The following SPAG16 variants were observed in gnomAD, a reference collection of about 807,000 sequenced individuals.
The protein encoded by SPAG16 is sperm associated antigen 16, also known as sperm-associated antigen 16 protein.
Under a neutral mutation model 80.4 loss-of-function variants are expected in SPAG16, and 86 were observed. The ratio of observed to expected loss-of-function variants is 1.07; its 90% CI spans 0.90 to 1.28. SPAG16 has a LOEUF of 1.28. SPAG16 is among the 50% of genes most tolerant of loss of function. The pLI is 0.00. For synonymous variants in SPAG16, 294 were observed against 265.9 expected, an observed-to-expected ratio of 1.11 and a Z score of -1.03; for missense variants, 870 against 765.3, an observed-to-expected ratio of 1.14 and a Z score of -1.61.
intron 13 of SPAG16, among the ~76,000 whole-genome samples, chr2:214,032,146 A>G (rs2048447208): frequency 6.6e-6 from 1 of 152,186 alleles, no homozygotes; most frequent in Admixed American, 6.5e-5. Context: ...AATGAACTTC[A>G]AAGTATTTGT....
At chr2:213,627,178 T>C (rs1166814770) in intron 10 of SPAG16, among the ~76,000 whole-genome samples, 1 of 152,010 alleles carries the variant, frequency 6.6e-6, no homozygotes, top group Non-Finnish European at 1.5e-5. Context: ...CAAGATAGGA[T>C]AGAAGCGGGA....
chr2:214,184,939 AT>A lies in SPAG16; in HGVS notation c.1720+35683del, dbSNP rs1008515587. On this transcript the variant is annotated intron_variant, in intron 15 of 15. Coordinates refer to ENST00000331683, the MANE Select transcript of SPAG16 (RefSeq NM_024532.5). ...AGAAATGAAAATTTTGTCTTTAAAA[AT>A]TTTTTTTTTGCTTTTGCATTTAGAA... Among the ~76,000 whole-genome samples, 44 of 150,360 alleles carry A rather than the reference AT, an allele frequency of 2.9e-4. No individual in the cohort carries two copies. In the East Asian group the frequency reaches 6.2e-3, roughly 21 times the overall value.
chr2:214,208,202 T>A (rs1269912458), intron 15 of SPAG16, among the ~76,000 whole-genome samples: 1 of 152,200 alleles, frequency 6.6e-6, no homozygotes, highest in Admixed American at 6.5e-5. Context: ...TGTTGTCTTT[T>A]ATGATAACAT....
chr2:213,750,676 A>G (rs556849019), intron 10 of SPAG16, among the ~76,000 whole-genome samples: 4 of 152,160 alleles, frequency 2.6e-5, no homozygotes, highest in African/African-American at 9.7e-5. Flanking sequence ...GCTGTTTCCT[A>G]GGACCACTTG....
At chr2:214,043,038 C>CA (rs1359421243) in intron 13 of SPAG16, among the ~76,000 whole-genome samples, 3 of 151,746 alleles carry the variant, frequency 2.0e-5, no homozygotes, top group Non-Finnish European at 4.4e-5. Context: ...TAAATAATGT[C>CA]AAAAAAACTC....
chr2:213,771,363 A>G (rs2162501), intron 10 of SPAG16, among the ~76,000 whole-genome samples: 87,970 of 151,860 alleles, frequency 0.58, 25,642 homozygotes, highest in Middle Eastern at 0.65. Context: ...ACATTTATCA[A>G]ATGGTTAGAT....
At chr2:214,179,317 A>T (rs926796213) in intron 15 of SPAG16, among the ~76,000 whole-genome samples, 2 of 151,224 alleles carry the variant, frequency 1.3e-5, no homozygotes, top group African/African-American at 2.4e-5. Flanking sequence ...TAATATTGTA[A>T]GCATACGAAA....
chr2:213,868,248 A>C (rs2075785980), intron 11 of SPAG16, among the ~76,000 whole-genome samples: 1 of 90,888 alleles, frequency 1.1e-5, no homozygotes, highest in Admixed American at 1.2e-4. Context: ...TAAAAATGAG[A>C]ATTTTTTTTT....
chr2:214,023,311 G>A (rs1266101429), intron 13 of SPAG16, among the ~76,000 whole-genome samples: 1 of 151,514 alleles, frequency 6.6e-6, no homozygotes, highest in African/African-American at 2.4e-5. Flanking sequence ...AAAAAATACT[G>A]ATTTTCCACC....
chr2:214,187,739 G>C (rs746374663), intron 15 of SPAG16, among the ~76,000 whole-genome samples: 42 of 150,926 alleles, frequency 2.8e-4, no homozygotes, highest in Non-Finnish European at 5.9e-4. Flanking sequence ...TATCTAAGCT[G>C]TCCAGTTTTT....
intron 10 of SPAG16, among the ~76,000 whole-genome samples, chr2:213,546,851 T>C (rs2076626588): frequency 6.6e-6 from 1 of 152,146 alleles, no homozygotes; most frequent in African/African-American, 2.4e-5. Context: ...TCTCGTTGCT[T>C]TGTCTGCCTT....
At chr2:213,321,870 C>T (rs2063623049) in intron 5 of SPAG16, among the ~76,000 whole-genome samples, 1 of 151,850 alleles carries the variant, frequency 6.6e-6, no homozygotes, top group South Asian at 2.1e-4. Flanking sequence ...TATTGAAGAA[C>T]AATATTTTTC....
intron 9 of SPAG16, among the ~76,000 whole-genome samples, chr2:213,473,393 G>A (rs533023817): frequency 6.6e-6 from 1 of 152,268 alleles, no homozygotes; most frequent in East Asian, 1.9e-4. Context: ...ACAGAGAAGA[G>A]CAATTACAGG....
chr2:214,382,872 T>G (rs142608175), intron 15 of SPAG16, among the ~76,000 whole-genome samples: 1 of 152,246 alleles, frequency 6.6e-6, no homozygotes, highest in East Asian at 1.9e-4. Flanking sequence ...GGCTTCTGCC[T>G]CTCTAAGCAT....
At position 213,306,233 on chromosome 2, in the gene SPAG16, T is replaced by A. The variant is rs574596113; in HGVS notation, c.280-3826T>A. Among the ~76,000 whole-genome samples the A allele has an allele frequency of 1.9e-4, 28 of 150,012 alleles. 1 individual carries two copies. The highest frequency in any genetic ancestry group is 4.1e-4 in the African/African-American group (17 of 41,004). ...TTTATTTGAGTCTACTTTAAAAAAA[T>A]TTTTTTTTGGCTAATGTTTTGTCAA... On this transcript the variant is annotated intron_variant, in intron 3 of 15. Coordinates refer to ENST00000331683, the MANE Select transcript of SPAG16 (RefSeq NM_024532.5).
chr2:213,322,954 G>A (rs1030888860), intron 5 of SPAG16, among the ~76,000 whole-genome samples: 8 of 152,132 alleles, frequency 5.3e-5, no homozygotes, highest in African/African-American at 1.9e-4. Flanking sequence ...TAACCAGTGG[G>A]TTAGTGGTAG....
At chr2:214,233,937 T>C (rs1300263844) in intron 15 of SPAG16, among the ~76,000 whole-genome samples, 1 of 152,098 alleles carries the variant, frequency 6.6e-6, no homozygotes, top group Non-Finnish European at 1.5e-5. Flanking sequence ...ACAGGTTTGT[T>C]ACATAGGTAA....
At chr2:213,751,712 G>A (rs2068085096) in intron 10 of SPAG16, among the ~76,000 whole-genome samples, 1 of 152,134 alleles carries the variant, frequency 6.6e-6, no homozygotes, top group Non-Finnish European at 1.5e-5. Flanking sequence ...GAGCTCTTTT[G>A]GGCAGTGGCT....
intron 10 of SPAG16, among the ~76,000 whole-genome samples, chr2:213,822,128 G>A (rs532715025): frequency 6.6e-6 from 1 of 152,124 alleles, no homozygotes; most frequent in Admixed American, 6.6e-5. Context: ...CCTCCAAACT[G>A]TTCTCCATAG....
Sources: allele counts gnomAD v4.1 joint callset (sites outside exome capture counted in the v4.1 genomes callset), GRCh38; gene constraint gnomAD v4.1.1; transcripts MANE v1.5; gene names NCBI Gene and HGNC (gene_info 2026-07-23, HGNC 2026-07-21).